The following AGMO variants were observed in gnomAD, a reference collection of about 807,000 sequenced individuals.
AGMO encodes glyceryl-ether monooxygenase.
In AGMO, 75 loss-of-function variants were observed where a neutral mutation model predicts 60.2. The observed-to-expected ratio is 1.25, with a 90% CI of 1.03 to 1.51. The LOEUF (loss-of-function observed/expected upper bound fraction) is 1.51, where lower values mean the gene tolerates loss of function less well. AGMO is among the 40% of genes most tolerant of loss of function. The pLI is 0.00. For missense variants in AGMO, 763 were observed against 525.5 expected (o/e 1.45, Z -4.42); for synonymous variants, 261 against 177.1 (o/e 1.47, Z -3.76).
intron 12 of AGMO, among the ~76,000 whole-genome samples, chr7:15,282,359 A>T (rs1050617602): frequency 6.6e-6 from 1 of 152,110 alleles, no homozygotes; most frequent in African/African-American, 2.4e-5. Flanking sequence ...AAATTTATAA[A>T]GAGATAGATA....
At chr7:15,400,063 G>C (rs949949918) in intron 5 of AGMO, among the ~76,000 whole-genome samples, 2 of 152,058 alleles carry the variant, frequency 1.3e-5, no homozygotes, top group African/African-American at 4.8e-5. Context: ...CTTTGTGCTA[G>C]TTACTTGTTT....
intron 12 of AGMO, among the ~76,000 whole-genome samples, chr7:15,329,048 C>T (rs953141531): frequency 6.6e-6 from 1 of 152,114 alleles, no homozygotes; most frequent in Non-Finnish European, 1.5e-5. Flanking sequence ...CTTCACTATC[C>T]TTCCTCCCCT....
At chr7:15,359,781 C>T (rs62450357) in intron 12 of AGMO, among the ~76,000 whole-genome samples, 21,381 of 152,134 alleles carry the variant, frequency 0.14, 1,590 homozygotes, top group East Asian at 0.2. Context: ...ATGGTCACTG[C>T]AATCATGACT....
chr7:15,284,659 ACCAACC>A (rs1784053451), intron 12 of AGMO, among the ~76,000 whole-genome samples: 1 of 152,112 alleles, frequency 6.6e-6, no homozygotes, highest in Non-Finnish European at 1.5e-5. Context: ...AAAAATTGGG[ACCAACC>A]CTGCTGGAAC....
rs746233192 is a variant in AGMO, at chr7:15,271,186, A to AT, written c.1264-69828dup. On this transcript the variant is annotated intron_variant, in intron 12 of 12. Coordinates refer to ENST00000342526, the MANE Select transcript of AGMO (RefSeq NM_001004320.2). ...GGGTTCCATATGAAATTTAAAACTGATATTTCTTACTCAGTGAAAAACAGT... is the reference window on the plus strand; with the variant it reads ...GGGTTCCATATGAAATTTAAAACTGATTATTTCTTACTCAGTGAAAAACAGT... 5.9e-5 allele frequency among the ~76,000 whole-genome samples: 9 copies of AT among 152,162 alleles called. No individual in the cohort carries two copies. In the South Asian group the frequency reaches 1.9e-3, roughly 32 times the overall value.
At chr7:15,214,790 C>G (rs192441778) in intron 12 of AGMO, among the ~76,000 whole-genome samples, 2 of 152,052 alleles carry the variant, frequency 1.3e-5, no homozygotes, top group Non-Finnish European at 2.9e-5. Flanking sequence ...GGTGGTAAGT[C>G]GTAAATCCTG....
intron 12 of AGMO, among the ~76,000 whole-genome samples, chr7:15,293,420 G>A (rs934994705): frequency 5.3e-5 from 8 of 152,134 alleles, no homozygotes; most frequent in Non-Finnish European, 1.2e-4. Flanking sequence ...GAATATGTGG[G>A]TAGGGGGATA....
chr7:15,178,359 G>A, the AGMO span, among the ~76,000 whole-genome samples: 2 of 152,132 alleles, frequency 1.3e-5, no homozygotes, highest in Non-Finnish European at 2.9e-5. Context: ...AGGCATTATT[G>A]CACTGCTTTC....
intron 9 of AGMO, among the ~76,000 whole-genome samples, chr7:15,386,790 A>C (rs979429664): frequency 2.0e-5 from 3 of 152,338 alleles, no homozygotes; most frequent in Admixed American, 1.3e-4. Flanking sequence ...TAAATGATTA[A>C]AAAGCACCTT....
chr7:15,528,066 C>G (rs1784171393), intron 3 of AGMO, among the ~76,000 whole-genome samples: 1 of 152,100 alleles, frequency 6.6e-6, no homozygotes, highest in African/African-American at 2.4e-5. Flanking sequence ...GCATGTGGAT[C>G]AAGGAGTAAT....
At chr7:15,296,192 C>T (rs998958297) in intron 12 of AGMO, among the ~76,000 whole-genome samples, 2 of 151,990 alleles carry the variant, frequency 1.3e-5, no homozygotes, top group Admixed American at 6.6e-5. Flanking sequence ...CAATATAGTG[C>T]CACTCCACAT....
intron 2 of AGMO, among the ~76,000 whole-genome samples, chr7:15,547,328 T>C (rs557702898): frequency 6.6e-6 from 1 of 152,154 alleles, no homozygotes; most frequent in East Asian, 1.9e-4. Flanking sequence ...GATGGCCAAA[T>C]AGGAACAGCT....
intron 10 of AGMO, among the ~76,000 whole-genome samples, chr7:15,370,977 A>G (rs1168097154): frequency 6.6e-6 from 1 of 152,122 alleles, no homozygotes; most frequent in Non-Finnish European, 1.5e-5. Flanking sequence ...GCCAATGTCC[A>G]GAATGATCTT....
At chr7:15,295,135 A>T (rs548587415) in intron 12 of AGMO, among the ~76,000 whole-genome samples, 134 of 152,050 alleles carry the variant, frequency 8.8e-4, no homozygotes, top group Non-Finnish European at 1.5e-3. Flanking sequence ...TACATATAAA[A>T]TTAATAGCTA....
intron 3 of AGMO, among the ~76,000 whole-genome samples, chr7:15,448,611 ATT>A (rs11330514): frequency 0.048 from 6,295 of 131,158 alleles, 301 homozygotes; most frequent in African/African-American, 0.14. Context: ...ATAAAGTTTA[ATT>A]TTTTTTTTTT....
chr7:15,239,543 T>A (rs944649547), intron 12 of AGMO, among the ~76,000 whole-genome samples: 2 of 152,134 alleles, frequency 1.3e-5, no homozygotes, highest in Admixed American at 6.5e-5. Flanking sequence ...GGGTATGTGG[T>A]TCTCTACATT....
At chr7:15,218,327 A>G (rs62448949) in intron 12 of AGMO, among the ~76,000 whole-genome samples, 163 of 144,018 alleles carry the variant, frequency 1.1e-3, no homozygotes, top group African/African-American at 2.5e-3. Flanking sequence ...TGGTGTGTGT[A>G]TGTGTGTGTG....
chr7:15,496,410 G>T (rs977463102), intron 3 of AGMO, among the ~76,000 whole-genome samples: 18 of 152,014 alleles, frequency 1.2e-4, no homozygotes, highest in Admixed American at 7.9e-4. Flanking sequence ...CAGAGAAAAG[G>T]GCAGGGATGC....
rs571994958 is a variant in AGMO at position 15,387,589 on chromosome 7, G to A, written c.823-49C>T. ...TATTTCACATAAGATAAATAGGAAA[G>A]ATTAAATACCAAAAGTTATGTATAT... On this transcript the variant is annotated intron_variant, in intron 8 of 12. Transcript: ENST00000342526. The A allele has an allele frequency of 2.3e-5, 35 of 1,495,182 alleles. No homozygotes were observed. The South Asian group carries it at 3.4e-4, about 15-fold the overall frequency. 92.6% of individuals were successfully genotyped at this position (1,495,182 alleles called of 1,614,324 possible).
Sources: gnomAD v4.1 joint callset for allele counts (sites outside exome capture counted in the v4.1 genomes callset) on GRCh38, gnomAD v4.1.1 for gene constraint, MANE v1.5 for transcripts, NCBI Gene and HGNC (gene_info 2026-07-23, HGNC 2026-07-21) for gene names.